The following ENTPD1 variants were observed in gnomAD, a reference collection of about 807,000 sequenced individuals.
ENTPD1 encodes the protein ectonucleoside triphosphate diphosphohydrolase 1, also known as ATP diphosphohydrolase.
A neutral mutation model predicts 57.0 loss-of-function variants in ENTPD1; 33 were observed. The ratio of observed to expected loss-of-function variants is 0.58; its 90% CI spans 0.44 to 0.77. The LOEUF is 0.77. Among genes scored for constraint, ENTPD1 ranks in the 30% least tolerant of loss-of-function variants. ENTPD1 has a pLI of 0.00. For synonymous variants in ENTPD1, 202 were observed against 218.8 expected, an observed-to-expected ratio of 0.92 and a Z score of 0.68; for missense variants, 501 against 603.4, an observed-to-expected ratio of 0.83 and a Z score of 1.78.
At chr10:95,813,376 A>G (rs1427441721) in intron 1 of ENTPD1, among the ~76,000 whole-genome samples, 1 of 152,222 alleles carries the variant, frequency 6.6e-6, no homozygotes, top group African/African-American at 2.4e-5. Flanking sequence ...CCTTAGGTGG[A>G]GTTTTTGGCC....
At chr10:95,834,115 G>C (rs1419380357) in intron 2 of ENTPD1, among the ~76,000 whole-genome samples, 1 of 152,044 alleles carries the variant, frequency 6.6e-6, no homozygotes, top group Non-Finnish European at 1.5e-5. Flanking sequence ...ACCTCTTTTA[G>C]GGCTGGAAGG....
In ENTPD1 at chr10:95,839,727, A is replaced by G; in HGVS notation, c.181A>G (p.Ser61Gly). The G allele has an allele frequency of 6.2e-7, 1 of 1,614,108 alleles. No homozygotes were observed. The highest frequency in any genetic ancestry group is 8.5e-7 in the Non-Finnish European group (1 of 1,180,028). ...GCTGGATGCGGGTTCTTCTCACACA[A>G]GTTTATACATCTATAAGTGGCCAGC... The part of the protein sequence containing the change: ...IVLDAGSSHT[S>G]LYIYKWPAEK... Residue 61 changes from serine to glycine, a missense_variant, in exon 3 of 10, where the codon AGT becomes GGT. Transcript: ENST00000371205.
intron 7 of ENTPD1, among the ~76,000 whole-genome samples, chr10:95,853,632 T>G (rs1469309745): frequency 1.3e-5 from 2 of 152,226 alleles, no homozygotes; most frequent in East Asian, 3.8e-4. Context: ...TTGAGAGTTT[T>G]TAGCATGAAG....
At chr10:95,844,932 G>A (rs756052272) in intron 5 of ENTPD1, 4 of 488,270 alleles carry the variant, frequency 8.2e-6, no homozygotes, top group Middle Eastern at 5.8e-4. Context: ...CTTCTGCTAT[G>A]TGTCTCCCGC....
chr10:95,839,393 G>A, intron 2 of ENTPD1: 2 of 406,000 alleles, frequency 4.9e-6, no homozygotes, highest in Admixed American at 7.3e-5. Flanking sequence ...ATGTGGTTCT[G>A]AATCTTGGCT....
intron 1 of ENTPD1, among the ~76,000 whole-genome samples, chr10:95,759,063 T>TA (rs1490944303): frequency 2.0e-4 from 30 of 152,354 alleles, no homozygotes; most frequent in Non-Finnish European, 3.8e-4. Flanking sequence ...CAAAAGGTCC[T>TA]TGTCAGCCAT....
chr10:95,709,453 G>A (rs1207506520), upstream of ENTPD1, among the ~76,000 whole-genome samples: 2 of 151,628 alleles, frequency 1.3e-5, no homozygotes, highest in African/African-American at 2.4e-5. Context: ...GCCTGGTCTC[G>A]GCTCACTGCA....
In ENTPD1 at chr10:95,867,361, A is replaced by G; in HGVS notation, c.*978A>G. The G allele has an allele frequency of 1.0e-6, 1 of 985,450 alleles. No homozygotes were observed. Among genetic ancestry groups the G allele is most frequent in the African/African-American group, 1.7e-5 (1 of 57,370 alleles). 61.0% of individuals were successfully genotyped at this position (985,450 alleles called of 1,614,324 possible). A position where few individuals can be genotyped will look rare whatever the true frequency, so the allele number is the denominator to read the frequency against. ...TGCATCATCAATACATTGTCTAGAG[A>G]CAAGACTATCCTGGGTAGGCAGAAA... is the stretch of plus-strand genomic sequence containing the variant. On this transcript the variant is annotated 3_prime_UTR_variant, in exon 10 of 10. Transcript: ENST00000371205.
chr10:95,749,665 T>C (rs748001326), intron 1 of ENTPD1, among the ~76,000 whole-genome samples: 2 of 152,134 alleles, frequency 1.3e-5, no homozygotes, highest in Non-Finnish European at 1.5e-5. Context: ...GAGGACAGCA[T>C]TCCAGGCAGA....
At chr10:95,750,833 G>A (rs1437686880), upstream of ENTPD1, among the ~76,000 whole-genome samples, 1 of 152,096 alleles carries the variant, frequency 6.6e-6, no homozygotes, top group Non-Finnish European at 1.5e-5. Flanking sequence ...GACCAGCCTG[G>A]CCAATATGGT....
At chr10:95,717,134 CT>C (rs1475269955) in intron 1 of ENTPD1, among the ~76,000 whole-genome samples, 1 of 152,174 alleles carries the variant, frequency 6.6e-6, no homozygotes, top group Non-Finnish European at 1.5e-5. Flanking sequence ...GTAATAAAGT[CT>C]TTTGTTTATG....
intron 1 of ENTPD1, among the ~76,000 whole-genome samples, chr10:95,777,839 T>C (rs936028494): frequency 7.2e-5 from 11 of 152,238 alleles, no homozygotes; most frequent in African/African-American, 2.4e-4. Flanking sequence ...ACACTTTGTT[T>C]ACCTACTCAA....
At chr10:95,755,955 T>C, upstream of ENTPD1, 1 of 1,470,328 alleles carries the variant, frequency 6.8e-7, no homozygotes, top group Non-Finnish European at 9.0e-7. Flanking sequence ...TGAATATACA[T>C]TGCTTCAAGG....
chr10:95,876,539 C>T lies in ENTPD1; in HGVS notation c.*10156C>T. The T allele has an allele frequency of 3.2e-6, 4 of 1,231,220 alleles. No homozygotes were observed. Among genetic ancestry groups the T allele is most frequent in the Non-Finnish European group, 4.0e-6 (4 of 987,686 alleles). The allele number at this position is 1,231,220 out of a possible 1,614,324, so 76.3% of individuals were successfully genotyped here. A position where few individuals can be genotyped will look rare whatever the true frequency, so the allele number is the denominator to read the frequency against. ...TTACCTTTGCAATAGTCAACTGAAC[C>T]ATCTTCTTGGAGTACTCATGAAGAT... On this transcript the variant is annotated 3_prime_UTR_variant, in exon 10 of 10. Transcript: ENST00000371205.
At chr10:95,808,628 C>A (rs959630085) in intron 1 of ENTPD1, among the ~76,000 whole-genome samples, 7 of 151,942 alleles carry the variant, frequency 4.6e-5, no homozygotes, top group African/African-American at 1.7e-4. Flanking sequence ...GGGGAAAAAA[C>A]TTTCAAGGAA....
chr10:95,741,244 C>G (rs1360076499), intron 1 of ENTPD1, among the ~76,000 whole-genome samples: 2 of 152,028 alleles, frequency 1.3e-5, no homozygotes, highest in Non-Finnish European at 2.9e-5. Flanking sequence ...GGCCTAATTT[C>G]AATATATTGT....
chr10:95,827,586 A>C (rs1184269842), intron 2 of ENTPD1, among the ~76,000 whole-genome samples: 1 of 152,124 alleles, frequency 6.6e-6, no homozygotes, highest in East Asian at 1.9e-4. Context: ...CTCGGGTTCA[A>C]GCAATTCTCC....
At chr10:95,853,961 C>A (rs1225023715) in intron 7 of ENTPD1, among the ~76,000 whole-genome samples, 1 of 152,066 alleles carries the variant, frequency 6.6e-6, no homozygotes, top group African/African-American at 2.4e-5. Flanking sequence ...TGAGTTAGGG[C>A]AGATTCCCTC....
Position 95,864,822 on chromosome 10 carries a change from C to A in ENTPD1, c.1287C>A (p.Phe429Leu), listed in dbSNP as rs753446379. Residue 429 changes from phenylalanine (F) to leucine (L), a missense_variant, in exon 9 of 10, where the codon TTC (phenylalanine) becomes TTA (leucine). Transcript: ENST00000371205. ...ILSLLLQGYH[F>L]TADSWEHIHF... Reference sequence around the variant, plus strand: ...CCCTCCTTCTGCAAGGCTATCATTTCACAGCTGATTCCTGGGAGCACATCC... The same window carrying A: ...CCCTCCTTCTGCAAGGCTATCATTTAACAGCTGATTCCTGGGAGCACATCC... 7 of 1,613,936 alleles carry A rather than the reference C, an allele frequency of 4.3e-6. No homozygotes were observed. The South Asian group carries it at 6.6e-5, about 15-fold the overall frequency.
Sources: gnomAD v4.1 joint callset for allele counts (sites outside exome capture counted in the v4.1 genomes callset) on GRCh38, gnomAD v4.1.1 for gene constraint, MANE v1.5 for transcripts, NCBI Gene and HGNC (gene_info 2026-07-23, HGNC 2026-07-21) for gene names.